ABLIM2: variants seen among roughly 807,000 people sequenced by gnomAD.
ABLIM2 encodes the protein actin binding LIM protein family member 2, also known as actin-binding LIM protein 2.
A neutral mutation model predicts 97.7 loss-of-function variants in ABLIM2; 53 were observed. The observed-to-expected ratio is 0.54, with a 90% CI of 0.44 to 0.68. The LOEUF (loss-of-function observed/expected upper bound fraction) is 0.68, where lower values mean the gene tolerates loss of function less well. ABLIM2 is among the 30% of genes least tolerant of loss of function. The pLI, the probability that ABLIM2 is intolerant of heterozygous loss-of-function variation, is 0.00. For synonymous variants in ABLIM2, 361 were observed against 345.8 expected (o/e 1.04, Z -0.49); for missense variants, 835 against 867.2 (o/e 0.96, Z 0.47).
At chr4:7,978,817 G>T (rs1560371729) in intron 20 of ABLIM2, among the ~76,000 whole-genome samples, 1 of 152,244 alleles carries the variant, frequency 6.6e-6, no homozygotes, top group Non-Finnish European at 1.5e-5. Context: ...GTCCCCGCAG[G>T]CTGCTAGCAG....
intron 9 of ABLIM2, among the ~76,000 whole-genome samples, chr4:8,042,450 C>T (rs913375539): frequency 1.3e-5 from 2 of 152,190 alleles, no homozygotes; most frequent in East Asian, 1.9e-4. Flanking sequence ...TCTGAGCAGA[C>T]GGCCCTGCTG....
At chr4:8,057,244 A>G (rs1481843030) in intron 7 of ABLIM2, among the ~76,000 whole-genome samples, 1 of 151,960 alleles carries the variant, frequency 6.6e-6, no homozygotes, top group East Asian at 1.9e-4. Flanking sequence ...GATTACAGGC[A>G]TGCGCCACCA....
At chr4:8,106,316 T>A (rs1158176484) in intron 2 of ABLIM2, among the ~76,000 whole-genome samples, 178 bp downstream of exon 2, 1 of 152,156 alleles carries the variant, frequency 6.6e-6, no homozygotes, top group Non-Finnish European at 1.5e-5. Flanking sequence ...CTCCATCACA[T>A]CCACAAGTGA....
At chr4:8,007,767 C>A (rs1327141554) in intron 16 of ABLIM2, 1 of 1,176,668 alleles carries the variant, frequency 8.5e-7, no homozygotes, top group East Asian at 4.4e-5. Flanking sequence ...TTCTCCTAAA[C>A]AGCCCAGGAG....
intron 20 of ABLIM2, among the ~76,000 whole-genome samples, chr4:7,980,009 A>G (rs1736715559): frequency 6.6e-6 from 1 of 152,214 alleles, no homozygotes; most frequent in Admixed American, 6.5e-5. Flanking sequence ...AGATAGAAGG[A>G]AGGAAACTGG....
At chr4:7,982,554 T>A (rs34225157) in intron 20 of ABLIM2, among the ~76,000 whole-genome samples, 10,634 of 152,274 alleles carry the variant, frequency 0.07, 388 homozygotes, top group Non-Finnish European at 0.079. Flanking sequence ...CACCTATTCC[T>A]TGCTGACACC....
rs1035688779 is a variant in ABLIM2 at position 8,125,769 on chromosome 4, G to A, written c.11-19132C>T. Among the ~76,000 whole-genome samples, 1 of 152,212 alleles carries A rather than the reference G, an allele frequency of 6.6e-6. No homozygotes were observed. Among genetic ancestry groups the A allele is most frequent in the South Asian group, 2.1e-4 (1 of 4,822 alleles). ...GCCATGGAAACTCCATCTGGGACAC[G>A]GACATCGTCACCTGCTGTCTGCTCT... On this transcript the variant is annotated intron_variant, in intron 1 of 20. Transcript: ENST00000447017. This position sits in a 1 kb window ranked among gnomAD's most constrained non-coding sequence, Gnocchi z 6.2.
chr4:7,970,864 C>T lies in ABLIM2; in HGVS notation c.1825-3761G>A, dbSNP rs1426939136. On this transcript the variant is annotated intron_variant, in intron 20 of 20. Coordinates refer to ENST00000447017, the MANE Select transcript of ABLIM2 (RefSeq NM_001130083.2). The surrounding 1 kb of genome is among the most constrained non-coding windows in gnomAD (Gnocchi z 5.3). ...GGTGTCCCGAGCATGTGGGCTGGGCCAGGCCACTCGTATGTGGCCTACAGG... is the reference window on the plus strand; with the variant it reads ...GGTGTCCCGAGCATGTGGGCTGGGCTAGGCCACTCGTATGTGGCCTACAGG... Among the ~76,000 whole-genome samples, 1 of 151,946 alleles carries T rather than the reference C, an allele frequency of 6.6e-6. No homozygotes were observed. The highest frequency in any genetic ancestry group is 1.9e-4 in the East Asian group (1 of 5,148).
At chr4:8,076,399 C>G (rs1178116607) in intron 6 of ABLIM2, among the ~76,000 whole-genome samples, 1 of 152,180 alleles carries the variant, frequency 6.6e-6, no homozygotes, top group Admixed American at 6.5e-5. Context: ...CAAGGGTACA[C>G]CCCATTCCAC....
At chr4:8,040,756 A>AGCAGGGCTGTTCGGGCT (rs1787882756) in intron 9 of ABLIM2, among the ~76,000 whole-genome samples, 1 of 152,168 alleles carries the variant, frequency 6.6e-6, no homozygotes, top group Non-Finnish European at 1.5e-5. Flanking sequence ...TGGGAGAGAG[A>AGCAGGGCTGTTCGGGCT]GCAGGGCTGT....
Position 8,127,941 on chromosome 4 carries a change from C to T in ABLIM2, c.11-21304G>A, listed in dbSNP as rs376328028. ...AGTGAGCTCACAACCCCCACAGCCC[C>T]GCGTGCTGGGAGTGACAGCCTGCAC... is the stretch of plus-strand genomic sequence containing the variant. On this transcript the variant is annotated intron_variant, in intron 1 of 20. Transcript: ENST00000447017. The surrounding 1 kb of genome is among the most constrained non-coding windows in gnomAD (Gnocchi z 7.3). Among the ~76,000 whole-genome samples, 93 of 152,276 alleles carry T rather than the reference C, an allele frequency of 6.1e-4. No homozygotes were observed. The highest frequency in any genetic ancestry group is 2.0e-3 in the African/African-American group (84 of 41,566).
intron 14 of ABLIM2, among the ~76,000 whole-genome samples, chr4:8,017,530 G>A (rs1414972703): frequency 2.0e-5 from 3 of 151,806 alleles, no homozygotes; most frequent in East Asian, 1.9e-4. Flanking sequence ...TCAGGCAATC[G>A]GCCCGCCTGT....
At position 8,097,268 on chromosome 4, in the gene ABLIM2, G is replaced by A; in HGVS notation, c.169C>T (p.Leu57=). 1 of 1,563,088 alleles carries A rather than the reference G, an allele frequency of 6.4e-7. No homozygotes were observed. The highest frequency in any genetic ancestry group is 8.7e-7 in the Non-Finnish European group (1 of 1,154,638). Reference sequence around the variant, plus strand: ...CGCACGAAGAAGCCGCCCTCGGCCAGGTCGCAGCCACATGCTGGGGGAGGA... The same window carrying A: ...CGCACGAAGAAGCCGCCCTCGGCCAAGTCGCAGCCACATGCTGGGGGAGGA... ...CFVCKACGCD[L]AEGGFFVRQG... The change falls in exon 3 of 21, where the codon CTG becomes TTG. Residue 57 remains leucine, a synonymous_variant. Coordinates refer to ENST00000447017, the MANE Select transcript of ABLIM2 (RefSeq NM_001130083.2).
chr4:8,088,289 A>G lies in ABLIM2; in HGVS notation c.339-5T>C. ...TCCCCGGGGGGGAAGGGCAGCCTGA[A>G]ACAAGAGAGCTCGTTACCAGCCAGG... is the stretch of plus-strand genomic sequence containing the variant. On this transcript the variant is annotated splice_polypyrimidine_tract_variant and splice_region_variant and intron_variant, in intron 3 of 20. Transcript: ENST00000447017. The G allele has an allele frequency of 1.2e-6, 2 of 1,610,066 alleles. No homozygotes were observed. The highest frequency in any genetic ancestry group is 1.7e-5 in the Admixed American group (1 of 59,812).
rs77010418 is a variant in ABLIM2, at chr4:8,009,824, G to A, written c.1424-722C>T. On this transcript the variant is annotated intron_variant, in intron 14 of 20. Coordinates refer to ENST00000447017, the MANE Select transcript of ABLIM2 (RefSeq NM_001130083.2). ...GCCACTGACTACCCCGCCCACCCCC[G>A]CAGGAAGAAGCTTTGCACCATTTCA... 3.0e-3 allele frequency among the ~76,000 whole-genome samples: 458 copies of A among 152,252 alleles called. 2 individuals are homozygous for A. The highest frequency in any genetic ancestry group is 8.5e-3 in the African/African-American group (353 of 41,548).
intron 6 of ABLIM2, among the ~76,000 whole-genome samples, chr4:8,073,591 A>AGGGCCAGGCAGGACGTCGTCCCT: frequency 6.6e-6 from 1 of 151,872 alleles, no homozygotes; most frequent in East Asian, 2.0e-4. Flanking sequence ...GAGAGAGGAG[A>AGGGCCAGGCAGGACGTCGTCCCT]GGGCCAGGCA....
intron 8 of ABLIM2, among the ~76,000 whole-genome samples, chr4:8,050,266 G>A (rs1795116100): frequency 6.6e-6 from 1 of 152,194 alleles, no homozygotes; most frequent in Non-Finnish European, 1.5e-5. Flanking sequence ...GTATTTTACA[G>A]TTTCACTCTT....
chr4:8,107,550 G>A (rs1160986127), intron 1 of ABLIM2, among the ~76,000 whole-genome samples: 2 of 152,234 alleles, frequency 1.3e-5, no homozygotes, highest in Non-Finnish European at 2.9e-5. Context: ...CACAGGACCC[G>A]GGCAGGACCC....
Position 8,147,247 on chromosome 4 carries a change from G to A in ABLIM2, c.10+11433C>T, listed in dbSNP as rs181566618. Among the ~76,000 whole-genome samples, 197 of 152,188 alleles carry A rather than the reference G, an allele frequency of 1.3e-3. 1 individual carries two copies. The highest frequency in any genetic ancestry group is 4.4e-3 in the African/African-American group (182 of 41,516). Reference sequence around the variant, plus strand: ...AACTCCCGGGACGTTTAAATTTAGCGAGTAACATTTTTTTTATCCTATGAG... The same window carrying A: ...AACTCCCGGGACGTTTAAATTTAGCAAGTAACATTTTTTTTATCCTATGAG... On this transcript the variant is annotated intron_variant, in intron 1 of 20. Transcript: ENST00000447017. The surrounding 1 kb of genome is among the most constrained non-coding windows in gnomAD (Gnocchi z 5.3).
Sources: allele counts gnomAD v4.1 joint callset (sites outside exome capture counted in the v4.1 genomes callset), GRCh38; gene constraint gnomAD v4.1.1; non-coding constraint Gnocchi (gnomAD v3.1); transcripts MANE v1.5; gene names NCBI Gene and HGNC (gene_info 2026-07-23, HGNC 2026-07-21).